The following NAB1 variants were observed in gnomAD, a reference collection of about 807,000 sequenced individuals.
NAB1 encodes the protein NGFI-A binding protein 1.
A neutral mutation model predicts 49.9 loss-of-function variants in NAB1; 25 were observed. That is an observed-to-expected ratio of 0.50 (90% CI 0.37 to 0.70). NAB1 has a LOEUF of 0.70. NAB1 is among the 30% of genes least tolerant of loss of function. The pLI, the probability that NAB1 is intolerant of heterozygous loss-of-function variation, is 0.00. For missense variants in NAB1, 489 were observed against 575.9 expected, an observed-to-expected ratio of 0.85 and a Z score of 1.54; for synonymous variants, 198 against 215.6, an observed-to-expected ratio of 0.92 and a Z score of 0.71.
In NAB1 at chr2:190,663,767, A is replaced by C. The variant is rs1694346341; in HGVS notation, c.819+3772A>C. ...TTCTAATATGAGCAATTAAAGTATA[A>C]ATTTTCACTATGTATTGATTCAGTG... On this transcript the variant is annotated intron_variant, in intron 4 of 9. Transcript: ENST00000337386. This position sits in a 1 kb window ranked among gnomAD's most constrained non-coding sequence, Gnocchi z 4.2. 1.3e-5 allele frequency among the ~76,000 whole-genome samples: 2 copies of C among 152,128 alleles called. No homozygotes were observed.
Position 190,665,179 on chromosome 2 carries a change from G to A in NAB1, c.820-5147G>A, listed in dbSNP as rs183734101. ...TAAAGATACCTTTGTGTAAATTAGC[G>A]GGGCGTGGTGGCGGGCACCTGTAGT... is the stretch of plus-strand genomic sequence containing the variant. On this transcript the variant is annotated intron_variant, in intron 4 of 9. Transcript: ENST00000337386. 8.2e-4 allele frequency among the ~76,000 whole-genome samples: 124 copies of A among 151,982 alleles called. 2 individuals are homozygous for A. In the East Asian group the frequency reaches 0.023, roughly 28 times the overall value.
Position 190,684,590 on chromosome 2 carries a change from T to G in NAB1, c.1095+763T>G, listed in dbSNP as rs1396602669. Among the ~76,000 whole-genome samples the G allele has an allele frequency of 1.3e-5, 2 of 152,224 alleles. No homozygotes were observed. Among genetic ancestry groups the G allele is most frequent in the Non-Finnish European group, 1.5e-5 (1 of 68,026 alleles). ...TCAGAAAAATAGTGTGTTTATCATG[T>G]TTATTCTGTGAATTAATATATTTTA... is the stretch of plus-strand genomic sequence containing the variant. On this transcript the variant is annotated intron_variant, in intron 7 of 9. Transcript: ENST00000337386. This position sits in a 1 kb window ranked among gnomAD's most constrained non-coding sequence, Gnocchi z 4.6.
At chr2:190,690,017 C>CAT (rs1695861041) in intron 9 of NAB1, among the ~76,000 whole-genome samples, 1 of 151,234 alleles carries the variant, frequency 6.6e-6, no homozygotes, top group South Asian at 2.1e-4. Context: ...TACATCTATA[C>CAT]ATATATGTAT....
At position 190,678,336 on chromosome 2, in the gene NAB1, C is replaced by A. The variant is rs1695171544; in HGVS notation, c.1005+5184C>A. On this transcript the variant is annotated intron_variant, in intron 6 of 9. Coordinates refer to ENST00000337386, the MANE Select transcript of NAB1 (RefSeq NM_005966.4). This position sits in a 1 kb window ranked among gnomAD's most constrained non-coding sequence, Gnocchi z 4.9. The stretch of plus-strand genomic sequence containing the variant: ...CTTTCTTTTTCATTAAGAACACATT[C>A]AGTTCCATGAACAAATTTGTTATTA... Among the ~76,000 whole-genome samples the A allele has an allele frequency of 6.6e-6, 1 of 152,196 alleles. No individual in the cohort carries two copies. Among genetic ancestry groups the A allele is most frequent in the Non-Finnish European group, 1.5e-5 (1 of 68,046 alleles).
intron 3 of NAB1, among the ~76,000 whole-genome samples, chr2:190,658,199 G>A (rs1694029172): frequency 6.6e-6 from 1 of 152,164 alleles, no homozygotes; most frequent in African/African-American, 2.4e-5. Context: ...CTGCTTTGGA[G>A]TGATCACCCA....
chr2:190,668,709 A>G (rs1694649824), intron 4 of NAB1, among the ~76,000 whole-genome samples: 2 of 152,202 alleles, frequency 1.3e-5, no homozygotes, highest in African/African-American at 2.4e-5. Context: ...TTTGTTTTCA[A>G]AAATTTTAAG....
rs966625845 is a variant in NAB1 at position 190,680,028 on chromosome 2, T to C, written c.1006-3710T>C. On this transcript the variant is annotated intron_variant, in intron 6 of 9. Coordinates refer to ENST00000337386, the MANE Select transcript of NAB1 (RefSeq NM_005966.4). This position sits in a 1 kb window ranked among gnomAD's most constrained non-coding sequence, Gnocchi z 5.2. ...ATCTTGAGTTCCTTATTCTAGAGAATGTCATAACCAAACTCTCAGTTGCCT... is the reference window on the plus strand; with the variant it reads ...ATCTTGAGTTCCTTATTCTAGAGAACGTCATAACCAAACTCTCAGTTGCCT... Among the ~76,000 whole-genome samples, 3 of 152,216 alleles carry C rather than the reference T, an allele frequency of 2.0e-5. No individual in the cohort carries two copies. The highest frequency in any genetic ancestry group is 4.4e-5 in the Non-Finnish European group (3 of 68,032).
chr2:190,649,118 C>T lies in NAB1; in HGVS notation c.-576C>T, dbSNP rs1298815480. Reference sequence around the variant, plus strand: ...CCCGCGCGCCGCAGCCTGGAGGAGCCGCCGCCGCCGCCGCGGCCAAGCGAG... The same window carrying T: ...CCCGCGCGCCGCAGCCTGGAGGAGCTGCCGCCGCCGCCGCGGCCAAGCGAG... On this transcript the variant is annotated 5_prime_UTR_variant, in exon 1 of 10. Coordinates refer to ENST00000337386, the MANE Select transcript of NAB1 (RefSeq NM_005966.4). The surrounding 1 kb of genome is among the most constrained non-coding windows in gnomAD (Gnocchi z 6.1). 8 of 141,916 alleles carry T rather than the reference C, an allele frequency of 5.6e-5. No homozygotes were observed. Among genetic ancestry groups the T allele is most frequent in the Non-Finnish European group, 1.1e-4 (7 of 64,286 alleles). The allele number at this position is 141,916 out of a possible 1,614,324, so 8.8% of individuals were successfully genotyped here.
At position 190,675,178 on chromosome 2, in the gene NAB1, C is replaced by G. The variant is rs1404863991; in HGVS notation, c.1005+2026C>G. 6.6e-6 allele frequency among the ~76,000 whole-genome samples: 1 copy of G among 152,182 alleles called. No individual in the cohort carries two copies. Among genetic ancestry groups the G allele is most frequent in the Non-Finnish European group, 1.5e-5 (1 of 68,032 alleles). Reference sequence around the variant, plus strand: ...GAGAGGAAAGAAAGCACAGAAACTACCCAGGGGCCAAAAAATTAGTTGCTA... The same window carrying G: ...GAGAGGAAAGAAAGCACAGAAACTAGCCAGGGGCCAAAAAATTAGTTGCTA... On this transcript the variant is annotated intron_variant, in intron 6 of 9. Coordinates refer to ENST00000337386, the MANE Select transcript of NAB1 (RefSeq NM_005966.4). This position sits in a 1 kb window ranked among gnomAD's most constrained non-coding sequence, Gnocchi z 5.2.
intron 3 of NAB1, among the ~76,000 whole-genome samples, chr2:190,656,780 T>A (rs919356457): frequency 3.3e-5 from 5 of 152,220 alleles, no homozygotes; most frequent in Admixed American, 3.3e-4. Context: ...TTTGTATTTG[T>A]CTAACATATA....
rs1693983307 is a variant in NAB1 at position 190,657,471 on chromosome 2, A to AT, written c.-20+1319dup. ...TAATCATGGAAGTCTCCTGAGATGC[A>AT]TCTCAGGCACCTGGGAAACTGTATT... On this transcript the variant is annotated intron_variant, in intron 3 of 9. Coordinates refer to ENST00000337386, the MANE Select transcript of NAB1 (RefSeq NM_005966.4). The surrounding 1 kb of genome is among the most constrained non-coding windows in gnomAD (Gnocchi z 4.4). 6.6e-6 allele frequency among the ~76,000 whole-genome samples: 1 copy of AT among 152,188 alleles called. No individual in the cohort carries two copies. The highest frequency in any genetic ancestry group is 1.5e-5 in the Non-Finnish European group (1 of 68,026).
In NAB1 at chr2:190,666,595, G is replaced by A. The variant is rs954869278; in HGVS notation, c.820-3731G>A. On this transcript the variant is annotated intron_variant, in intron 4 of 9. Coordinates refer to ENST00000337386, the MANE Select transcript of NAB1 (RefSeq NM_005966.4). This position sits in a 1 kb window ranked among gnomAD's most constrained non-coding sequence, Gnocchi z 5.6. ...ATGGTGGCACATGCCTGTAGTCCCA[G>A]TAACTTGGGAGGCTGAGACAGGAGA... 6.6e-6 allele frequency among the ~76,000 whole-genome samples: 1 copy of A among 152,124 alleles called. No homozygotes were observed. The highest frequency in any genetic ancestry group is 6.5e-5 in the Admixed American group (1 of 15,280).
chr2:190,649,975 A>G lies in NAB1; in HGVS notation c.-204A>G, dbSNP rs775913024. ...CACATGTGGGACATACAAGCGTTGG[A>G]TATAGAGGTGTGTGTGTGTGACCTT... On this transcript the variant is annotated 5_prime_UTR_variant, in exon 2 of 10. Coordinates refer to ENST00000337386, the MANE Select transcript of NAB1 (RefSeq NM_005966.4). The surrounding 1 kb of genome is among the most constrained non-coding windows in gnomAD (Gnocchi z 6.1). 6.6e-6 allele frequency: 1 copy of G among 152,200 alleles called. No homozygotes were observed. The highest frequency in any genetic ancestry group is 1.5e-5 in the Non-Finnish European group (1 of 68,058). The allele number at this position is 152,200 out of a possible 1,614,324, so 9.4% of individuals were successfully genotyped here.
At position 190,657,238 on chromosome 2, in the gene NAB1, T is replaced by A. The variant is rs1446871094; in HGVS notation, c.-20+1085T>A. On this transcript the variant is annotated intron_variant, in intron 3 of 9. Coordinates refer to ENST00000337386, the MANE Select transcript of NAB1 (RefSeq NM_005966.4). This position sits in a 1 kb window ranked among gnomAD's most constrained non-coding sequence, Gnocchi z 4.4. ...TTTTGTGAGTTAGTGCCCAGGTGGA[T>A]GATAGATTCTCCCTGGAGTGGGAGG... Among the ~76,000 whole-genome samples the A allele has an allele frequency of 5.3e-5, 8 of 152,150 alleles. No individual in the cohort carries two copies. Among genetic ancestry groups the A allele is most frequent in the Admixed American group, 5.2e-4 (8 of 15,288 alleles).
rs2125616355 is a variant in NAB1 at position 190,659,684 on chromosome 2, G to A, written c.508G>A (p.Glu170Lys). The A allele has an allele frequency of 3.1e-6, 5 of 1,613,768 alleles. No individual in the cohort carries two copies. Among genetic ancestry groups the A allele is most frequent in the Non-Finnish European group, 4.2e-6 (5 of 1,180,018 alleles). The change falls in exon 4 of 10, where the codon GAG becomes AAG. Residue 170 changes from glutamate (E) to lysine (K), a missense_variant. Physicochemically the swap from Glu to Lys is moderately conservative, Grantham distance 56 (BLOSUM62 1). This residue lies in a region of NAB1 where 204 missense variants were observed against 220.9 expected (regional missense o/e 0.92). Coordinates refer to ENST00000337386, the MANE Select transcript of NAB1 (RefSeq NM_005966.4). This position sits in a 1 kb window ranked among gnomAD's most constrained non-coding sequence, Gnocchi z 6.2. ...LWQGHHATESEHSLSPADLGS... is the reference protein window; with the variant it reads ...LWQGHHATESKHSLSPADLGS... The stretch of plus-strand genomic sequence containing the variant: ...GCAAGGCCACCATGCCACTGAGAGC[G>A]AGCACAGCCTCTCCCCAGCAGACCT...
chr2:190,685,642 C>A lies in NAB1; in HGVS notation c.1258+4C>A. 1 of 1,598,876 alleles carries A rather than the reference C, an allele frequency of 6.3e-7. No homozygotes were observed. Among genetic ancestry groups the A allele is most frequent in the Admixed American group, 1.8e-5 (1 of 56,906 alleles). On this transcript the variant is annotated splice_donor_region_variant and intron_variant, in intron 8 of 9. Coordinates refer to ENST00000337386, the MANE Select transcript of NAB1 (RefSeq NM_005966.4). The surrounding 1 kb of genome is among the most constrained non-coding windows in gnomAD (Gnocchi z 4.5). ...TCCGATAACTCAGATGGACAAGGTA[C>A]ATCTTTAGAATATCCTATGCCTTTA... is the stretch of plus-strand genomic sequence containing the variant.
Position 190,682,880 on chromosome 2 carries a change from G to A in NAB1, c.1006-858G>A, listed in dbSNP as rs953705142. 2.6e-5 allele frequency among the ~76,000 whole-genome samples: 4 copies of A among 152,124 alleles called. No homozygotes were observed. Among genetic ancestry groups the A allele is most frequent in the African/African-American group, 9.7e-5 (4 of 41,418 alleles). ...AGTAAAGGCCCTCTATAGGTTTAGC[G>A]AAAGTACATAAGGCACAAAAATATC... On this transcript the variant is annotated intron_variant, in intron 6 of 9. Coordinates refer to ENST00000337386, the MANE Select transcript of NAB1 (RefSeq NM_005966.4). The surrounding 1 kb of genome is among the most constrained non-coding windows in gnomAD (Gnocchi z 4.1).
rs369860117 is a variant in NAB1, at chr2:190,659,136, CTTTTT to C, written c.-19-10_-19-6del. On this transcript the variant is annotated splice_polypyrimidine_tract_variant and intron_variant, in intron 3 of 9. Coordinates refer to ENST00000337386, the MANE Select transcript of NAB1 (RefSeq NM_005966.4). The surrounding 1 kb of genome is among the most constrained non-coding windows in gnomAD (Gnocchi z 6.2). ...TTGAAGCAAGTATGATGAGTTTTTACTTTTTTTTTTTTTTTTGGCAGGTTAAACCC... is the reference window on the plus strand; with the variant it reads ...TTGAAGCAAGTATGATGAGTTTTTACTTTTTTTTTTTGGCAGGTTAAACCC... 2.1e-5 allele frequency: 25 copies of C among 1,190,342 alleles called. No homozygotes were observed. Among genetic ancestry groups the C allele is most frequent in the South Asian group, 5.0e-5 (3 of 60,218 alleles). The allele number at this position is 1,190,342 out of a possible 1,614,324, so 73.7% of individuals were successfully genotyped here.
Position 190,679,236 on chromosome 2 carries a change from T to G in NAB1, c.1006-4502T>G, listed in dbSNP as rs3771317. On this transcript the variant is annotated intron_variant, in intron 6 of 9. Coordinates refer to ENST00000337386, the MANE Select transcript of NAB1 (RefSeq NM_005966.4). The surrounding 1 kb of genome is among the most constrained non-coding windows in gnomAD (Gnocchi z 5.3). ...AGTTTCTTGGGAATGTTCTTACTTTTATTTCTAAGTCATATATTTTGGGGA... is the reference window on the plus strand; with the variant it reads ...AGTTTCTTGGGAATGTTCTTACTTTGATTTCTAAGTCATATATTTTGGGGA... Among the ~76,000 whole-genome samples the G allele has an allele frequency of 1.3e-5, 2 of 152,084 alleles. No homozygotes were observed. The highest frequency in any genetic ancestry group is 2.9e-5 in the Non-Finnish European group (2 of 68,016).
Sources: allele counts gnomAD v4.1 joint callset (sites outside exome capture counted in the v4.1 genomes callset), GRCh38; gene constraint gnomAD v4.1.1; regional missense constraint gnomAD v4.1.1; non-coding constraint Gnocchi (gnomAD v3.1); transcripts MANE v1.5; gene names NCBI Gene and HGNC (gene_info 2026-07-23, HGNC 2026-07-21).